BRAF: variants seen among roughly 807,000 people sequenced by gnomAD.
BRAF encodes B-Raf proto-oncogene, serine/threonine kinase.
In BRAF, 16 loss-of-function variants were observed where a neutral mutation model predicts 104.6. The ratio of observed to expected loss-of-function variants is 0.15; its 90% confidence interval spans 0.10 to 0.23. BRAF has a LOEUF of 0.23. Ranked by LOEUF, BRAF falls within the 10% of genes least tolerant of loss-of-function variation. BRAF has a pLI of 1.00. For synonymous variants in BRAF, 310 were observed against 341.6 expected, an observed-to-expected ratio of 0.91 and a Z score of 1.02; for missense variants, 541 against 937.3, an observed-to-expected ratio of 0.58 and a Z score of 5.52.
intron 2 of BRAF, among the ~76,000 whole-genome samples, chr7:140,838,464 G>C (rs188571024): frequency 6.6e-6 from 1 of 152,150 alleles, no homozygotes; most frequent in African/African-American, 2.4e-5. Flanking sequence ...GCCTGGCAAC[G>C]AGAGCAAGAC....
chr7:140,900,602 T>C (rs1197917289), intron 1 of BRAF, among the ~76,000 whole-genome samples: 1 of 152,200 alleles, frequency 6.6e-6, no homozygotes, highest in African/African-American at 2.4e-5. Flanking sequence ...TTTCTGTTGT[T>C]TTCTGTTTGC....
chr7:140,735,669 G>A (rs1796346195), intron 18 of BRAF, among the ~76,000 whole-genome samples: 1 of 151,390 alleles, frequency 6.6e-6, no homozygotes, highest in South Asian at 2.1e-4. Context: ...CGATTCTCCT[G>A]CCTCAGCCTC....
At chr7:140,810,955 T>G (rs1364716050) in intron 3 of BRAF, among the ~76,000 whole-genome samples, 1 of 152,224 alleles carries the variant, frequency 6.6e-6, no homozygotes, top group African/African-American at 2.4e-5. Flanking sequence ...ATGATTCTTC[T>G]GTTTAAAATA....
At chr7:140,912,341 G>A (rs752528109) in intron 1 of BRAF, among the ~76,000 whole-genome samples, 2 of 152,006 alleles carry the variant, frequency 1.3e-5, no homozygotes, top group East Asian at 1.9e-4. Flanking sequence ...CAATCACGTC[G>A]ACCTTCCTAG....
chr7:140,752,744 C>T (rs1797889166), intron 16 of BRAF, among the ~76,000 whole-genome samples: 1 of 152,064 alleles, frequency 6.6e-6, no homozygotes, highest in African/African-American at 2.4e-5. Context: ...AAGGAAGTAA[C>T]TTTCCAATTT....
intron 1 of BRAF, among the ~76,000 whole-genome samples, chr7:140,855,231 T>C (rs1461632687): frequency 6.6e-6 from 1 of 151,938 alleles, no homozygotes; most frequent in Non-Finnish European, 1.5e-5. Flanking sequence ...AGGTACATAG[T>C]TAAAACATCT....
chr7:140,754,162 C>T (rs757727430), intron 15 of BRAF, 25 bp downstream of exon 14: 19 of 1,608,158 alleles, frequency 1.2e-5, no homozygotes, highest in Admixed American at 1.2e-4. Context: ...TTTCAAACTT[C>T]GCAGACAAAT....
downstream of BRAF, among the ~76,000 whole-genome samples, chr7:140,714,566 G>T (rs1404529043): frequency 6.6e-6 from 1 of 152,140 alleles, no homozygotes; most frequent in Non-Finnish European, 1.5e-5. Context: ...AGTCTGTGTT[G>T]CCCAAGCTGG....
At chr7:140,764,886 C>G (rs1184546081) in intron 14 of BRAF, among the ~76,000 whole-genome samples, 1 of 152,132 alleles carries the variant, frequency 6.6e-6, no homozygotes, top group African/African-American at 2.4e-5. Context: ...AGGTAATTTA[C>G]AGATTCAATG....
In BRAF at chr7:140,723,645, TAC is replaced by T; in HGVS notation, c.*2847_*2848del. 7 of 1,050,450 alleles carry T rather than the reference TAC, an allele frequency of 6.7e-6. No homozygotes were observed. The highest frequency in any genetic ancestry group is 8.0e-6 in the Non-Finnish European group (7 of 869,988). The allele number at this position is 1,050,450 out of a possible 1,614,324, so 65.1% of individuals were successfully genotyped here. On this transcript the variant is annotated 3_prime_UTR_variant, in exon 20 of 20. Transcript: ENST00000644969. ...GATGAAAAAAGTCCATCAGGAATACTACACAGTTACAAACAATCCTCTGTAGT... is the reference window on the plus strand; with the variant it reads ...GATGAAAAAAGTCCATCAGGAATACTACAGTTACAAACAATCCTCTGTAGT...
intron 17 of BRAF, among the ~76,000 whole-genome samples, chr7:140,748,507 C>T (rs549731195): frequency 2.0e-5 from 3 of 152,062 alleles, no homozygotes; most frequent in Non-Finnish European, 2.9e-5. Context: ...AGCATAAAGT[C>T]GAAATATTCT....
At chr7:140,788,712 C>T (rs976492930) in intron 8 of BRAF, among the ~76,000 whole-genome samples, 1 of 151,990 alleles carries the variant, frequency 6.6e-6, no homozygotes, top group African/African-American at 2.4e-5. Context: ...CCTCAGCCTC[C>T]TGAATACCTG....
chr7:140,720,982 G>A lies in BRAF; in HGVS notation c.*5512C>T, dbSNP rs1407043033. 1.9e-6 allele frequency: 2 copies of A among 1,064,404 alleles called. No individual in the cohort carries two copies. The highest frequency in any genetic ancestry group is 3.3e-5 in the African/African-American group (2 of 60,998). The allele number at this position is 1,064,404 out of a possible 1,614,324, so 65.9% of individuals were successfully genotyped here. Reference sequence around the variant, plus strand: ...CTGGAGAATGAACTCGGCTGGCCGGGAGAAGCAGATGGTTTGTACAAACAT... The same window carrying A: ...CTGGAGAATGAACTCGGCTGGCCGGAAGAAGCAGATGGTTTGTACAAACAT... On this transcript the variant is annotated 3_prime_UTR_variant, in exon 20 of 20. Transcript: ENST00000644969.
At chr7:140,821,114 C>G (rs996067707) in intron 3 of BRAF, among the ~76,000 whole-genome samples, 2 of 151,954 alleles carry the variant, frequency 1.3e-5, no homozygotes, top group Non-Finnish European at 2.9e-5. Flanking sequence ...GCCTCAGTCT[C>G]CCAAGTAGCT....
chr7:140,740,050 GATGT>G (rs1219482049), intron 17 of BRAF, 104 bp from the exon 17 acceptor site: 1 of 1,246,960 alleles, frequency 8.0e-7, no homozygotes, highest in Non-Finnish European at 1.1e-6. Context: ...TACAGCTTAC[GATGT>G]ATGTATTACA....
At chr7:140,826,916 T>C (rs534324588) in intron 3 of BRAF, among the ~76,000 whole-genome samples, 3 of 152,308 alleles carry the variant, frequency 2.0e-5, no homozygotes, top group South Asian at 4.1e-4. Flanking sequence ...CACACTGCAT[T>C]TGGTTGTTAT....
At chr7:140,859,781 G>A (rs1810207295) in intron 1 of BRAF, among the ~76,000 whole-genome samples, 1 of 149,628 alleles carries the variant, frequency 6.7e-6, no homozygotes, top group Non-Finnish European at 1.5e-5. Context: ...TCCGCCTCCT[G>A]GGTTCAAGTG....
chr7:140,726,758 G>C (rs1795619125), intron 19 of BRAF, among the ~76,000 whole-genome samples: 1 of 152,176 alleles, frequency 6.6e-6, no homozygotes, highest in African/African-American at 2.4e-5. Flanking sequence ...TTCCAGTTGG[G>C]TTTTATGTAT....
At position 140,721,528 on chromosome 7, in the gene BRAF, T is replaced by G; in HGVS notation, c.*4966A>C. The G allele has an allele frequency of 7.0e-7, 1 of 1,431,568 alleles. No individual in the cohort carries two copies. Among genetic ancestry groups the G allele is most frequent in the Non-Finnish European group, 9.1e-7 (1 of 1,096,472 alleles). 88.7% of individuals were successfully genotyped at this position (1,431,568 alleles called of 1,614,324 possible). ...TAGTGTACTAATAAAACAAACATCTTACCAGTATTTTTAATTTTACCAGAG... is the reference window on the plus strand; with the variant it reads ...TAGTGTACTAATAAAACAAACATCTGACCAGTATTTTTAATTTTACCAGAG... On this transcript the variant is annotated 3_prime_UTR_variant, in exon 20 of 20. Transcript: ENST00000644969.
Sources: allele counts gnomAD v4.1 joint callset (sites outside exome capture counted in the v4.1 genomes callset), GRCh38; gene constraint gnomAD v4.1.1; transcripts MANE v1.5; gene names NCBI Gene and HGNC (gene_info 2026-07-23, HGNC 2026-07-21).